Variants in GFPT2 observed in about 807,000 individuals in gnomAD.
GFPT2 encodes the protein glutamine--fructose-6-phosphate aminotransferase [isomerizing] 2.
A neutral mutation model predicts 85.6 loss-of-function variants in GFPT2; 62 were observed. The observed-to-expected ratio is 0.72, with a 90% CI of 0.59 to 0.90. The LOEUF (loss-of-function observed/expected upper bound fraction) is 0.90, where lower values mean the gene tolerates loss of function less well. Among genes scored for constraint, GFPT2 ranks in the 40% least tolerant of loss-of-function variants. The pLI, the probability that GFPT2 is intolerant of heterozygous loss-of-function variation, is 0.00. For missense variants in GFPT2, 788 were observed against 893.4 expected, an observed-to-expected ratio of 0.88 and a Z score of 1.50; for synonymous variants, 368 against 344.5, an observed-to-expected ratio of 1.07 and a Z score of -0.75.
At chr5:180,320,635 T>C (rs970467535) in intron 9 of GFPT2, among the ~76,000 whole-genome samples, 4 of 152,134 alleles carry the variant, frequency 2.6e-5, no homozygotes, top group African/African-American at 9.7e-5. Context: ...TAGCCAGGTG[T>C]GGTGGCGGGC....
Position 180,312,452 on chromosome 5 carries a change from G to A in GFPT2, c.1524C>T (p.Ile508=), listed in dbSNP as rs368813952. ...ISLQNRRQEI[I]RGLRSLPELI... is the part of the protein sequence containing the mutation. ...TACCAGGTAAAGATCTCAAGCCACG[G>A]ATGATCTCTTGCCTCCTGTTTTGTA... Residue 508 remains isoleucine, a synonymous_variant, in exon 15 of 19, where the codon ATC becomes ATT. Transcript: ENST00000253778. The A allele has an allele frequency of 2.9e-5, 47 of 1,597,128 alleles. No homozygotes were observed. The highest frequency in any genetic ancestry group is 3.5e-5 in the Non-Finnish European group (41 of 1,164,570).
chr5:180,312,239 G>A (rs1339983878), intron 15 of GFPT2, among the ~76,000 whole-genome samples, 191 bp downstream of exon 15: 1 of 150,922 alleles, frequency 6.6e-6, no homozygotes, highest in Non-Finnish European at 1.5e-5. Context: ...GCGCGGCAGC[G>A]CAGGGGGAGG....
chr5:180,302,952 G>A (rs182632225), intron 17 of GFPT2, among the ~76,000 whole-genome samples: 4 of 152,248 alleles, frequency 2.6e-5, no homozygotes, highest in East Asian at 1.9e-4. Context: ...ATTCCAGGCC[G>A]GGCGTGGTGG....
intron 9 of GFPT2, among the ~76,000 whole-genome samples, chr5:180,321,302 ATG>A (rs1235259846): frequency 4.6e-5 from 7 of 152,350 alleles, no homozygotes; most frequent in African/African-American, 1.7e-4. Context: ...TGCATGACGC[ATG>A]TGTGTTTATA....
At chr5:180,313,674 C>T (rs745335495) in intron 14 of GFPT2, 133 bp downstream of exon 14, 7 of 531,498 alleles carry the variant, frequency 1.3e-5, no homozygotes, top group South Asian at 3.3e-5. Flanking sequence ...AGGAAAGGAG[C>T]GGAGAGAAGG....
At chr5:180,334,248 G>T (rs4700943) in intron 4 of GFPT2, among the ~76,000 whole-genome samples, 22,739 of 152,248 alleles carry the variant, frequency 0.15, 1,862 homozygotes, top group East Asian at 0.19. Flanking sequence ...CCACCAAGCT[G>T]CTCTGCTGAG....
chr5:180,336,852 G>A (rs1764411550), intron 2 of GFPT2, among the ~76,000 whole-genome samples: 1 of 152,268 alleles, frequency 6.6e-6, no homozygotes, highest in South Asian at 2.1e-4. Flanking sequence ...CTTCCCCGCT[G>A]CAGGCGCTCC....
intron 1 of GFPT2, among the ~76,000 whole-genome samples, chr5:180,340,450 C>A (rs1386467229): frequency 6.6e-6 from 1 of 151,826 alleles, no homozygotes; most frequent in African/African-American, 2.4e-5. Context: ...AGGTCATCCG[C>A]CCGCCTCGGC....
chr5:180,323,274 A>T lies in GFPT2; in HGVS notation c.794+914T>A, dbSNP rs1183624255. The stretch of plus-strand genomic sequence containing the variant: ...GCACCATTTGGGAAGCGCTGCCTTG[A>T]CCTCAGCGTTAAGTATGATGCTGGC... On this transcript the variant is annotated intron_variant, in intron 9 of 18. Coordinates refer to ENST00000253778, the MANE Select transcript of GFPT2 (RefSeq NM_005110.4). The surrounding 1 kb of genome is among the most constrained non-coding windows in gnomAD (Gnocchi z 4.0). Among the ~76,000 whole-genome samples the T allele has an allele frequency of 6.6e-6, 1 of 152,066 alleles. No individual in the cohort carries two copies. The highest frequency in any genetic ancestry group is 1.5e-5 in the Non-Finnish European group (1 of 68,020).
At chr5:180,353,174 G>A in intron 1 of GFPT2, 37 bp downstream of exon 1, 1 of 1,231,824 alleles carries the variant, frequency 8.1e-7, no homozygotes, top group Non-Finnish European at 1.0e-6. Context: ...CCCGCGGACG[G>A]CGTGGAGGAG....
At chr5:180,302,349 G>C (rs1763692117) in intron 18 of GFPT2, 74 bp downstream of exon 18, 8 of 1,065,496 alleles carry the variant, frequency 7.5e-6, no homozygotes, top group Non-Finnish European at 1.1e-5. Context: ...TTTACTCCAA[G>C]TATTTAAAGA....
At chr5:180,344,656 C>T (rs1460969625) in intron 1 of GFPT2, among the ~76,000 whole-genome samples, 1 of 152,192 alleles carries the variant, frequency 6.6e-6, no homozygotes, top group South Asian at 2.1e-4. Context: ...CCCAGCCAGG[C>T]CGGACCTCTG....
At chr5:180,303,185 G>A (rs1273649089) in intron 17 of GFPT2, among the ~76,000 whole-genome samples, 1 of 149,906 alleles carries the variant, frequency 6.7e-6, no homozygotes, top group African/African-American at 2.5e-5. Context: ...AGCCGAGATG[G>A]CGCCACTGCA....
At chr5:180,322,497 G>A (rs867815857) in intron 9 of GFPT2, among the ~76,000 whole-genome samples, 13 of 151,898 alleles carry the variant, frequency 8.6e-5, no homozygotes, top group South Asian at 8.3e-4. Context: ...TTCACCTAAC[G>A]TTTGCTGACT....
rs1253918005 is a variant in GFPT2, at chr5:180,330,026, A to ATC, written c.534+672_534+673dup. ...ATACAGACATGCTGTGATATCACCTATCACAAAAACAGGCCAGGCACAGTG... is the reference window on the plus strand; with the variant it reads ...ATACAGACATGCTGTGATATCACCTATCTCACAAAAACAGGCCAGGCACAGTG... On this transcript the variant is annotated intron_variant, in intron 6 of 18. Transcript: ENST00000253778. This position sits in a 1 kb window ranked among gnomAD's most constrained non-coding sequence, Gnocchi z 4.4. Among the ~76,000 whole-genome samples, 1 of 152,190 alleles carries ATC rather than the reference A, an allele frequency of 6.6e-6. No individual in the cohort carries two copies. The highest frequency in any genetic ancestry group is 2.4e-5 in the African/African-American group (1 of 41,454).
rs184534126 is a variant in GFPT2, at chr5:180,340,448, C to T, written c.8-1848G>A. 2.2e-3 allele frequency among the ~76,000 whole-genome samples: 332 copies of T among 151,588 alleles called. 4 individuals are homozygous for T. The highest frequency in any genetic ancestry group is 7.5e-3 in the African/African-American group (312 of 41,344). ...CTCGAACTCCCGACCTCAGGTCATC[C>T]GCCCGCCTCGGCTTCCCAAAGTGCT... is the stretch of plus-strand genomic sequence containing the variant. On this transcript the variant is annotated intron_variant, in intron 1 of 18. Coordinates refer to ENST00000253778, the MANE Select transcript of GFPT2 (RefSeq NM_005110.4).
chr5:180,303,843 A>G (rs6874653), intron 17 of GFPT2, among the ~76,000 whole-genome samples: 86,502 of 151,952 alleles, frequency 0.57, 25,304 homozygotes, highest in East Asian at 0.83. Context: ...GACTATACCT[A>G]ACTTTATGCT....
intron 1 of GFPT2, among the ~76,000 whole-genome samples, chr5:180,346,794 C>T (rs1349188607): frequency 6.6e-6 from 1 of 152,240 alleles, no homozygotes; most frequent in Non-Finnish European, 1.5e-5. Context: ...GCATCTGTCA[C>T]TTTCTACCTT....
At chr5:180,340,518 T>G (rs1561883589) in intron 1 of GFPT2, among the ~76,000 whole-genome samples, 6 of 134,192 alleles carry the variant, frequency 4.5e-5, no homozygotes, top group African/African-American at 1.1e-4. Context: ...CAGGTTTTTT[T>G]TTTTTTTTTT....
Sources: allele counts gnomAD v4.1 joint callset (sites outside exome capture counted in the v4.1 genomes callset), GRCh38; gene constraint gnomAD v4.1.1; non-coding constraint Gnocchi (gnomAD v3.1); transcripts MANE v1.5; gene names NCBI Gene and HGNC (gene_info 2026-07-23, HGNC 2026-07-21).